NXPE2: variants seen among roughly 807,000 people sequenced by gnomAD.
NXPE2 encodes the protein NXPE family member 2.
In NXPE2, 34 loss-of-function variants were observed where a neutral mutation model predicts 34.4. The ratio of observed to expected loss-of-function variants is 0.99; its 90% CI spans 0.75 to 1.31. The LOEUF (loss-of-function observed/expected upper bound fraction) is 1.31. NXPE2 is among the 40% of genes most tolerant of loss of function. NXPE2 has a pLI of 0.00. For synonymous variants in NXPE2, 235 were observed against 231.3 expected, an observed-to-expected ratio of 1.02 and a Z score of -0.15; for missense variants, 649 against 672.5, an observed-to-expected ratio of 0.97 and a Z score of 0.39.
At chr11:114,795,918 T>C in the NXPE2 span, among the ~76,000 whole-genome samples, 1 of 152,230 alleles carries the variant, frequency 6.6e-6, no homozygotes, top group African/African-American at 2.4e-5. Context: ...GTTGCTTATA[T>C]GGTATGATTT....
chr11:114,625,683 G>A, the NXPE2 span, among the ~76,000 whole-genome samples: 5 of 152,150 alleles, frequency 3.3e-5, no homozygotes, highest in Admixed American at 1.3e-4. Context: ...CAAGATGGCC[G>A]AGTAGGAACA....
the NXPE2 span, among the ~76,000 whole-genome samples, chr11:114,486,392 G>T: frequency 1.5e-3 from 235 of 152,078 alleles, no homozygotes; most frequent in Admixed American, 4.6e-3. Context: ...ATATATTCTG[G>T]TTATTAATGC....
At chr11:114,601,246 T>C in the NXPE2 span, among the ~76,000 whole-genome samples, 77,144 of 149,614 alleles carry the variant, frequency 0.52, 20,743 homozygotes, top group African/African-American at 0.65. Context: ...TCCCTTCCCA[T>C]GCTCCCTCTT....
chr11:114,562,688 C>T, the NXPE2 span, among the ~76,000 whole-genome samples: 7 of 152,096 alleles, frequency 4.6e-5, no homozygotes, highest in South Asian at 1.5e-3. Flanking sequence ...CTCTTTCAGT[C>T]GTTGTATCCA....
At chr11:114,798,511 G>C in the NXPE2 span, among the ~76,000 whole-genome samples, 5 of 152,078 alleles carry the variant, frequency 3.3e-5, no homozygotes, top group African/African-American at 1.2e-4. Flanking sequence ...AGCCTCCTCA[G>C]TAGCTGGGAT....
chr11:114,532,871 A>G, the NXPE2 span, among the ~76,000 whole-genome samples: 7 of 152,312 alleles, frequency 4.6e-5, no homozygotes, highest in African/African-American at 1.7e-4. Context: ...TTTATATATT[A>G]ATGGATTAAA....
the NXPE2 span, among the ~76,000 whole-genome samples, chr11:114,477,390 C>T: frequency 6.6e-5 from 10 of 152,070 alleles, no homozygotes; most frequent in African/African-American, 1.2e-4. Context: ...GTATGTGAGG[C>T]GATGGATATA....
At chr11:114,749,810 C>T in the NXPE2 span, among the ~76,000 whole-genome samples, 1 of 152,120 alleles carries the variant, frequency 6.6e-6, no homozygotes, top group Non-Finnish European at 1.5e-5. Flanking sequence ...GGCTTTGAAA[C>T]TCACCGTAAA....
the NXPE2 span, among the ~76,000 whole-genome samples, chr11:114,510,351 A>G: frequency 6.6e-6 from 1 of 152,196 alleles, no homozygotes; most frequent in Non-Finnish European, 1.5e-5. Context: ...CTCCCACTTT[A>G]GCTTCCCAAG....
the NXPE2 span, among the ~76,000 whole-genome samples, chr11:114,608,170 A>G: frequency 6.6e-6 from 1 of 151,912 alleles, no homozygotes; most frequent in African/African-American, 2.4e-5. Flanking sequence ...TGTGGATAAT[A>G]AGTATTGCCT....
the NXPE2 span, among the ~76,000 whole-genome samples, chr11:114,477,529 C>A: frequency 6.6e-6 from 1 of 151,918 alleles, no homozygotes; most frequent in African/African-American, 2.4e-5. Flanking sequence ...AAAGACAACA[C>A]CCTCCACAAA....
At chr11:114,492,410 A>G in the NXPE2 span, among the ~76,000 whole-genome samples, 1 of 152,248 alleles carries the variant, frequency 6.6e-6, no homozygotes, top group Non-Finnish European at 1.5e-5. Context: ...GGCCTAACAT[A>G]TGGTCCATCC....
At chr11:114,548,102 C>T in the NXPE2 span, among the ~76,000 whole-genome samples, 1 of 151,750 alleles carries the variant, frequency 6.6e-6, no homozygotes. Context: ...AGAGATGAAG[C>T]AGGATACCAT....
the NXPE2 span, among the ~76,000 whole-genome samples, chr11:114,651,161 A>G: frequency 6.6e-5 from 10 of 152,284 alleles, no homozygotes; most frequent in African/African-American, 2.4e-4. Flanking sequence ...GGTCTCGCTT[A>G]CTTCAAGAAT....
the NXPE2 span, among the ~76,000 whole-genome samples, chr11:114,662,133 A>G: frequency 6.6e-6 from 1 of 152,192 alleles, no homozygotes; most frequent in Non-Finnish European, 1.5e-5. Context: ...AGAGGCACTG[A>G]AGAAGTAGGA....
the NXPE2 span, among the ~76,000 whole-genome samples, chr11:114,536,379 A>G: frequency 6.6e-6 from 1 of 152,328 alleles, no homozygotes; most frequent in Admixed American, 6.5e-5. Flanking sequence ...AGAACTAGAG[A>G]AGCAAGAGCA....
chr11:114,739,526 T>C, the NXPE2 span, among the ~76,000 whole-genome samples: 1 of 152,100 alleles, frequency 6.6e-6, no homozygotes, highest in Non-Finnish European at 1.5e-5. Context: ...GATGTTTTAA[T>C]ATATGTACAC....
intron 1 of NXPE2, among the ~76,000 whole-genome samples, chr11:114,679,247 C>CGTGT (rs5794927): frequency 7.4e-6 from 1 of 135,982 alleles, no homozygotes; most frequent in African/African-American, 2.8e-5. Flanking sequence ...CATGTGTGTG[C>CGTGT]GTGTGTGTGT....
chr11:114,639,879 A>AATATATATTATATTTTATATT, the NXPE2 span, among the ~76,000 whole-genome samples: 1 of 57,770 alleles, frequency 1.7e-5, no homozygotes, highest in Non-Finnish European at 2.9e-5. Context: ...TATTAAATAT[A>AATATATATTATATTTTATATT]AAATATGTTA....
Sources: allele counts gnomAD v4.1 joint callset (sites outside exome capture counted in the v4.1 genomes callset), GRCh38; gene constraint gnomAD v4.1.1; transcripts MANE v1.5; gene names NCBI Gene and HGNC (gene_info 2026-07-23, HGNC 2026-07-21).